JMJD1C: variants seen among roughly 807,000 people sequenced by gnomAD.
The protein encoded by JMJD1C is jumonji domain-containing protein 1C.
In JMJD1C, 31 loss-of-function variants were observed where a neutral mutation model predicts 245.3. The ratio of observed to expected loss-of-function variants is 0.13; its 90% CI spans 0.09 to 0.17. JMJD1C has a LOEUF of 0.17. Ranked by LOEUF, JMJD1C falls within the 10% of genes least tolerant of loss-of-function variation. The pLI is 1.00. For missense variants in JMJD1C, 2,691 were observed against 3,000.2 expected (o/e 0.90, Z 2.41); for synonymous variants, 1,057 against 1,017.4 (o/e 1.04, Z -0.74).
At chr10:63,409,598 G>A (rs1022894866) in intron 1 of JMJD1C, among the ~76,000 whole-genome samples, 1 of 152,152 alleles carries the variant, frequency 6.6e-6, no homozygotes, top group South Asian at 2.1e-4. Context: ...GTCAGTGGAA[G>A]AATGACTATT....
At chr10:63,199,487 G>A (rs1377470151) in intron 11 of JMJD1C, among the ~76,000 whole-genome samples, 1 of 152,020 alleles carries the variant, frequency 6.6e-6, no homozygotes, top group East Asian at 1.9e-4. Flanking sequence ...TCTTTCCAAA[G>A]CTTCCTTCTT....
In JMJD1C at chr10:63,208,092, A is replaced by G. The variant is rs777206793; in HGVS notation, c.3577T>C (p.Ser1193Pro). ...CRSPTHLTVSSTNTLRSMPAL... is the reference protein window; with the variant it reads ...CRSPTHLTVSPTNTLRSMPAL... ...GGCATACTGCGGAGTGTATTTGTAG[A>G]AGAAACTGTCAAATGGGTAGGACTC... is the stretch of plus-strand genomic sequence containing the variant. Residue 1193 changes from serine (S) to proline (P), a missense_variant, in exon 10 of 26, where the codon TCT becomes CCT. Physicochemically the swap from Ser to Pro is moderately conservative, Grantham distance 74. Around this residue, in one of 9 missense-constraint regions of JMJD1C, gnomAD observed 1,562 missense variants for 1,490.7 expected, o/e 1.05. Transcript: ENST00000399262. 1.2e-6 allele frequency: 2 copies of G among 1,614,080 alleles called. No homozygotes were observed. The highest frequency in any genetic ancestry group is 4.5e-5 in the East Asian group (2 of 44,884).
chr10:63,297,867 G>C (rs558659876), intron 2 of JMJD1C, among the ~76,000 whole-genome samples: 1 of 152,226 alleles, frequency 6.6e-6, no homozygotes, highest in Admixed American at 6.5e-5. Context: ...AGAAAGAAGA[G>C]CTGTGGCCCT....
intron 1 of JMJD1C, among the ~76,000 whole-genome samples, chr10:63,511,691 T>C (rs1954876336): frequency 2.6e-5 from 4 of 151,816 alleles, no homozygotes. Flanking sequence ...CACTCCAGCC[T>C]GGGTGACAGA....
intron 8 of JMJD1C, among the ~76,000 whole-genome samples, chr10:63,212,962 C>T (rs890514303): frequency 2.6e-5 from 4 of 151,158 alleles, no homozygotes; most frequent in African/African-American, 4.8e-5. Flanking sequence ...CCGAGACAGA[C>T]GGATCACAAG....
chr10:63,444,569 C>A (rs541992319), intron 1 of JMJD1C, among the ~76,000 whole-genome samples: 11 of 152,010 alleles, frequency 7.2e-5, no homozygotes, highest in Admixed American at 3.9e-4. Flanking sequence ...CCTCCGTACC[C>A]GGTGGACATT....
chr10:63,497,251 G>A (rs549621289), intron 1 of JMJD1C, among the ~76,000 whole-genome samples: 52 of 151,876 alleles, frequency 3.4e-4, no homozygotes, highest in African/African-American at 1.2e-3. Flanking sequence ...AGCATTATTC[G>A]TAACAGCCAA....
At chr10:63,269,106 C>T (rs1855982675) in intron 2 of JMJD1C, 1 of 985,456 alleles carries the variant, frequency 1.0e-6, no homozygotes, top group Non-Finnish European at 1.2e-6. Flanking sequence ...CAGTAAGATA[C>T]TCCAAATAAA....
chr10:63,289,730 A>G (rs1858417370), intron 2 of JMJD1C, among the ~76,000 whole-genome samples: 1 of 152,176 alleles, frequency 6.6e-6, no homozygotes, highest in South Asian at 2.1e-4. Context: ...TACTGGTTGA[A>G]TCTCATAATT....
At chr10:63,447,688 T>C (rs1466043883) in intron 1 of JMJD1C, among the ~76,000 whole-genome samples, 16 of 151,980 alleles carry the variant, frequency 1.1e-4, no homozygotes, top group Non-Finnish European at 1.5e-5. Flanking sequence ...ATATCACAAC[T>C]AAAAGGAATC....
intron 1 of JMJD1C, among the ~76,000 whole-genome samples, chr10:63,431,628 G>T (rs1950753401): frequency 6.6e-6 from 1 of 152,200 alleles, no homozygotes; most frequent in Non-Finnish European, 1.5e-5. Flanking sequence ...AGATGACTTG[G>T]GGTGAGTTTT....
intron 1 of JMJD1C, among the ~76,000 whole-genome samples, chr10:63,506,358 T>C (rs1484505721): frequency 6.6e-6 from 1 of 152,190 alleles, no homozygotes; most frequent in Non-Finnish European, 1.5e-5. Context: ...AAAATATTAA[T>C]GTGGTTATGA....
chr10:63,327,159 C>T (rs1045080462), intron 2 of JMJD1C, among the ~76,000 whole-genome samples: 3 of 152,048 alleles, frequency 2.0e-5, no homozygotes, highest in East Asian at 1.9e-4. Context: ...TGTACTCCAG[C>T]GTGAGCCACA....
At chr10:63,328,074 A>G (rs1439573282) in intron 2 of JMJD1C, among the ~76,000 whole-genome samples, 4 of 152,086 alleles carry the variant, frequency 2.6e-5, no homozygotes, top group African/African-American at 4.8e-5. Context: ...CGGGAGTTTG[A>G]GGCCAGCCTG....
intron 1 of JMJD1C, among the ~76,000 whole-genome samples, chr10:63,463,218 G>T (rs998940175): frequency 2.0e-5 from 3 of 152,066 alleles, no homozygotes; most frequent in Non-Finnish European, 2.9e-5. Context: ...AGGCTAGAGT[G>T]CAGTGGCATA....
intron 1 of JMJD1C, among the ~76,000 whole-genome samples, chr10:63,480,737 A>G (rs1953806652): frequency 6.6e-6 from 1 of 151,514 alleles, no homozygotes; most frequent in Non-Finnish European, 1.5e-5. Flanking sequence ...TTTTTGCTAC[A>G]TTGCTGTTAT....
intron 13 of JMJD1C, among the ~76,000 whole-genome samples, chr10:63,196,956 G>A (rs911746449): frequency 3.3e-5 from 5 of 151,718 alleles, no homozygotes; most frequent in Non-Finnish European, 7.4e-5. Context: ...ACCACCATGC[G>A]CAGCTCATTT....
At chr10:63,413,144 A>G (rs1287425700) in intron 1 of JMJD1C, among the ~76,000 whole-genome samples, 1 of 152,190 alleles carries the variant, frequency 6.6e-6, no homozygotes, top group Non-Finnish European at 1.5e-5. Context: ...AAGATATACA[A>G]CACAATTTAT....
chr10:63,352,476 A>G (rs948163191), intron 2 of JMJD1C, among the ~76,000 whole-genome samples: 6 of 151,956 alleles, frequency 3.9e-5, no homozygotes, highest in South Asian at 2.1e-4. Flanking sequence ...CATCTCTACT[A>G]AAAATACAAA....
Sources: gnomAD v4.1 joint callset for allele counts (sites outside exome capture counted in the v4.1 genomes callset) on GRCh38, gnomAD v4.1.1 for gene constraint, gnomAD v4.1.1 regional missense constraint, MANE v1.5 for transcripts, NCBI Gene and HGNC (gene_info 2026-07-23, HGNC 2026-07-21) for gene names.